SHTN1: variants seen among roughly 807,000 people sequenced by gnomAD.
The protein encoded by SHTN1 is shootin 1.
SHTN1 carries 42 observed loss-of-function variants against 83.1 expected under a neutral mutation model. That is an observed-to-expected ratio of 0.51 (90% CI 0.39 to 0.65). SHTN1 has a LOEUF of 0.65. Among genes scored for constraint, SHTN1 ranks in the 30% least tolerant of loss-of-function variants. The probability of loss-of-function intolerance (pLI) is 0.00; values close to 1 mark genes in which losing one functional copy is unlikely to be tolerated. For missense variants in SHTN1, 622 were observed against 737.8 expected, an observed-to-expected ratio of 0.84 and a Z score of 1.82; for synonymous variants, 224 against 247.7, an observed-to-expected ratio of 0.90 and a Z score of 0.90.
In SHTN1 at chr10:116,936,269, G is replaced by A. The variant is rs186348715; in HGVS notation, c.858+4197C>T. ...CTTTTAATTGTGATGTTAGGGTGTC[G>A]ATTTTAGATCTTTCCTGCTTTCTCC... On this transcript the variant is annotated intron_variant, in intron 9 of 16. Coordinates refer to ENST00000355371, the MANE Select transcript of SHTN1 (RefSeq NM_001127211.3). Among the ~76,000 whole-genome samples the A allele has an allele frequency of 7.8e-4, 119 of 152,066 alleles. 1 individual carries two copies. In the East Asian group the frequency reaches 0.021, roughly 27 times the overall value.
At chr10:116,950,228 G>A (rs1366589073) in intron 6 of SHTN1, among the ~76,000 whole-genome samples, 3 of 152,134 alleles carry the variant, frequency 2.0e-5, no homozygotes, top group Admixed American at 6.5e-5. Flanking sequence ...GTGGTAATAC[G>A]ATCATAGCTC....
intron 8 of SHTN1, among the ~76,000 whole-genome samples, chr10:116,944,210 C>T (rs1486641643): frequency 1.3e-5 from 2 of 152,206 alleles, no homozygotes; most frequent in East Asian, 3.8e-4. Flanking sequence ...AATGTACAGG[C>T]ATCTTGTACC....
At position 117,005,091 on chromosome 10, in the gene SHTN1, G is replaced by C. The variant is rs772033625; in HGVS notation, c.-12C>G. ...TCCGAGCTGTTCATTTTGGCGGGTGGGGCCGGGAATAAAAGGGAAAGAGGG... is the reference window on the plus strand; with the variant it reads ...TCCGAGCTGTTCATTTTGGCGGGTGCGGCCGGGAATAAAAGGGAAAGAGGG... On this transcript the variant is annotated 5_prime_UTR_variant, in exon 1 of 17. Coordinates refer to ENST00000355371, the MANE Select transcript of SHTN1 (RefSeq NM_001127211.3). 4 of 1,589,886 alleles carry C rather than the reference G, an allele frequency of 2.5e-6. No homozygotes were observed. The East Asian group carries it at 9.0e-5, about 36-fold the overall frequency.
intron 11 of SHTN1, among the ~76,000 whole-genome samples, chr10:116,925,133 C>T (rs953954805): frequency 6.6e-6 from 1 of 152,120 alleles, no homozygotes; most frequent in Non-Finnish European, 1.5e-5. Flanking sequence ...GACTGGGCCA[C>T]GGGGTGCCTG....
At chr10:116,915,258 T>C in intron 13 of SHTN1, 117 bp downstream of exon 13, 1 of 655,994 alleles carries the variant, frequency 1.5e-6, no homozygotes, top group East Asian at 2.7e-5. Context: ...TTGTGACACA[T>C]TAGCTTTATC....
intron 1 of SHTN1, among the ~76,000 whole-genome samples, chr10:116,996,420 T>C (rs975351390): frequency 6.6e-6 from 1 of 152,200 alleles, no homozygotes; most frequent in Admixed American, 6.5e-5. Context: ...GCTGGACAAC[T>C]TGATACAAAC....
At chr10:117,078,733 A>G (rs1030298550) in intron 1 of SHTN1, among the ~76,000 whole-genome samples, 2 of 152,194 alleles carry the variant, frequency 1.3e-5, no homozygotes, top group African/African-American at 4.8e-5. Context: ...GAAGAAATGA[A>G]GAGAACCAGA....
At chr10:116,977,000 G>A (rs921460624) in intron 2 of SHTN1, among the ~76,000 whole-genome samples, 2 of 152,070 alleles carry the variant, frequency 1.3e-5, no homozygotes, top group African/African-American at 4.8e-5. Flanking sequence ...ACAGTTAATG[G>A]GCTGAGGTAA....
In SHTN1 at chr10:116,940,577, G is replaced by T. The variant is rs527998983; in HGVS notation, c.747C>A (p.Ser249Arg). The T allele has an allele frequency of 6.2e-7, 1 of 1,611,530 alleles. No homozygotes were observed. Among genetic ancestry groups the T allele is most frequent in the East Asian group, 2.2e-5 (1 of 44,756 alleles). Residue 249 changes from serine to arginine, a missense_variant, in exon 9 of 17, where the codon AGC (serine) becomes AGA (arginine). By Grantham distance (110) the Ser-to-Arg change is moderately radical. Around this residue, in one of 3 missense-constraint regions of SHTN1, gnomAD observed 383 missense variants for 455.8 expected, o/e 0.84. Transcript: ENST00000355371. ...FIEQNKLKRQ[S>R]HLLLQSSIPD... ...GGATGGAGCTCTGCAGCAGAAGGTG[G>T]CTTTGTCTCTTTAGCTTGTTTTGCT...
chr10:117,118,925 C>T (rs192187773), intron 1 of SHTN1, among the ~76,000 whole-genome samples: 1 of 152,042 alleles, frequency 6.6e-6, no homozygotes, highest in East Asian at 1.9e-4. Flanking sequence ...CACATATACC[C>T]CTGAACTTAA....
intron 12 of SHTN1, among the ~76,000 whole-genome samples, chr10:116,920,088 T>C (rs1300207922): frequency 6.6e-6 from 1 of 152,070 alleles, no homozygotes; most frequent in African/African-American, 2.4e-5. Flanking sequence ...GGACATTAAA[T>C]CCTTAAAGTA....
At chr10:116,905,817 A>T (rs1847946151) in intron 15 of SHTN1, among the ~76,000 whole-genome samples, 2 of 152,214 alleles carry the variant, frequency 1.3e-5, no homozygotes, top group South Asian at 4.1e-4. Context: ...ACCTGGTCAC[A>T]AGGGGAAACC....
At chr10:116,926,744 A>G (rs942311214) in intron 11 of SHTN1, among the ~76,000 whole-genome samples, 2 of 152,136 alleles carry the variant, frequency 1.3e-5, no homozygotes. Context: ...AAAAAGTTTT[A>G]AAATGCCATT....
intron 2 of SHTN1, among the ~76,000 whole-genome samples, chr10:117,045,563 C>T (rs180723408): frequency 6.6e-6 from 1 of 152,272 alleles, no homozygotes; most frequent in African/African-American, 2.4e-5. Flanking sequence ...ACAGTTGAAA[C>T]AAAAACAAGG....
chr10:116,976,058 G>A lies in SHTN1; in HGVS notation c.111+3198C>T, dbSNP rs563992075. 5.3e-5 allele frequency among the ~76,000 whole-genome samples: 8 copies of A among 152,276 alleles called. 1 individual carries two copies. In the South Asian group the frequency reaches 8.3e-4, roughly 16 times the overall value. On this transcript the variant is annotated intron_variant, in intron 2 of 16. Transcript: ENST00000355371. ...GTTCACCTGCTTCTAAAAGAACATC[G>A]TGCTCAGAAGACCCATGTTTGAATC...
chr10:116,952,127 T>A (rs1415082470), intron 5 of SHTN1, 121 bp from the exon 6 acceptor site: 2 of 448,796 alleles, frequency 4.5e-6, no homozygotes, highest in Non-Finnish European at 7.4e-6. Flanking sequence ...TATTTAACAA[T>A]TAAAAAGAAA....
At chr10:116,989,841 T>C (rs1474767283) in intron 1 of SHTN1, among the ~76,000 whole-genome samples, 2 of 152,224 alleles carry the variant, frequency 1.3e-5, no homozygotes, top group Non-Finnish European at 2.9e-5. Context: ...CTGCTGTCTC[T>C]TGTTCATTTT....
chr10:116,989,777 A>G (rs146744411), intron 1 of SHTN1, among the ~76,000 whole-genome samples: 7 of 152,310 alleles, frequency 4.6e-5, no homozygotes, highest in African/African-American at 1.4e-4. Flanking sequence ...GTTTTAAACC[A>G]CTATTTGGAG....
At chr10:117,015,990 C>A (rs889388267) in intron 2 of SHTN1, among the ~76,000 whole-genome samples, 48 of 152,208 alleles carry the variant, frequency 3.2e-4, no homozygotes, top group Admixed American at 2.0e-4. Flanking sequence ...CTCCTCAATA[C>A]CTAAAGCTTT....
Sources: gnomAD v4.1 joint callset for allele counts (sites outside exome capture counted in the v4.1 genomes callset) on GRCh38, gnomAD v4.1.1 for gene constraint, gnomAD v4.1.1 regional missense constraint, MANE v1.5 for transcripts, NCBI Gene and HGNC (gene_info 2026-07-23, HGNC 2026-07-21) for gene names.